PC: variants seen among roughly 807,000 people sequenced by gnomAD.
The protein encoded by PC is pyruvate carboxylase, also known as pyruvate carboxylase, mitochondrial.
PC carries 46 observed loss-of-function variants against 107.8 expected under a neutral mutation model. The observed-to-expected ratio is 0.43, with a 90% CI of 0.34 to 0.55. The LOEUF is 0.55. Ranked by LOEUF, PC falls within the 20% of genes least tolerant of loss-of-function variation. The pLI, the probability that PC is intolerant of heterozygous loss-of-function variation, is 0.04. For synonymous variants in PC, 662 were observed against 684.7 expected (o/e 0.97, Z 0.52); for missense variants, 1,241 against 1,643.1 (o/e 0.76, Z 4.23).
chr11:66,859,672 A>T, intron 12 of PC: 1 of 1,612,966 alleles, frequency 6.2e-7, no homozygotes, highest in Non-Finnish European at 8.5e-7. Flanking sequence ...TTCCTGCTGA[A>T]GCACCTCGTC....
rs1258492598 is a variant in PC, at chr11:66,858,391, G to A, written c.1369-5008C>T. Reference sequence around the variant, plus strand: ...CTGGCTCCGGACCCGCTTTTCTCTCGTGGGCGTGATGCAGAGGCCTCTCCC... The same window carrying A: ...CTGGCTCCGGACCCGCTTTTCTCTCATGGGCGTGATGCAGAGGCCTCTCCC... On this transcript the variant is annotated intron_variant, in intron 12 of 22. Coordinates refer to ENST00000393960, the MANE Select transcript of PC (RefSeq NM_001040716.2). This position sits in a 1 kb window ranked among gnomAD's most constrained non-coding sequence, Gnocchi z 5.9. 1.3e-6 allele frequency: 2 copies of A among 1,566,716 alleles called. No individual in the cohort carries two copies. Among genetic ancestry groups the A allele is most frequent in the Non-Finnish European group, 1.7e-6 (2 of 1,161,498 alleles).
At chr11:66,949,565 G>A (rs147018651) in intron 3 of PC, among the ~76,000 whole-genome samples, 5,797 of 151,918 alleles carry the variant, frequency 0.038, 355 homozygotes, top group African/African-American at 0.13. Flanking sequence ...GGTGGCGGGC[G>A]CCTGTAATCC....
intron 3 of PC, among the ~76,000 whole-genome samples, chr11:66,875,195 C>G (rs907782122): frequency 6.9e-6 from 1 of 144,510 alleles, no homozygotes. Context: ...TGGGGCAATT[C>G]AGAGGCTGAG....
intron 3 of PC, among the ~76,000 whole-genome samples, chr11:66,948,012 A>AAGTTAGAT: frequency 7.4e-6 from 1 of 134,692 alleles, no homozygotes; most frequent in South Asian, 2.6e-4. Context: ...ATCTCTACTA[A>AAGTTAGAT]AGATAGATAG....
intron 3 of PC, among the ~76,000 whole-genome samples, chr11:66,925,297 G>GTC (rs1948690370): frequency 6.6e-6 from 1 of 152,174 alleles, no homozygotes; most frequent in Non-Finnish European, 1.5e-5. Context: ...GAGCTCTACG[G>GTC]GAGACTGGGG....
At chr11:66,957,502 C>T (rs1949593266) in intron 1 of PC, among the ~76,000 whole-genome samples, 2 of 152,300 alleles carry the variant, frequency 1.3e-5, no homozygotes, top group African/African-American at 2.4e-5. Flanking sequence ...CCTGTAGTCC[C>T]AGCACTGGGG....
chr11:66,912,923 C>T (rs1044815011), intron 3 of PC, among the ~76,000 whole-genome samples: 3 of 152,112 alleles, frequency 2.0e-5, no homozygotes, highest in African/African-American at 7.2e-5. Flanking sequence ...TTCCTCCTGC[C>T]ACAGCTGAGG....
intron 3 of PC, among the ~76,000 whole-genome samples, chr11:66,920,496 GA>G (rs1350901948): frequency 1.3e-5 from 2 of 152,286 alleles, no homozygotes; most frequent in South Asian, 2.1e-4. Flanking sequence ...TAACACTGGA[GA>G]AAGTGGCAGC....
At chr11:66,948,895 G>A (rs1327930847) in intron 3 of PC, among the ~76,000 whole-genome samples, 1 of 151,874 alleles carries the variant, frequency 6.6e-6, no homozygotes, top group Non-Finnish European at 1.5e-5. Context: ...TTTAAGAAAA[G>A]TGTAATATTC....
chr11:66,889,008 A>G (rs1387575045), intron 3 of PC, among the ~76,000 whole-genome samples: 1 of 152,162 alleles, frequency 6.6e-6, no homozygotes, highest in Non-Finnish European at 1.5e-5. Flanking sequence ...CAGGAGGCGG[A>G]GGTTGCTGTG....
intron 3 of PC, among the ~76,000 whole-genome samples, chr11:66,943,734 C>CTA (rs989367163): frequency 9.9e-5 from 10 of 101,244 alleles, no homozygotes; most frequent in Admixed American, 1.6e-4. Flanking sequence ...CCAGCCTGGG[C>CTA]TATAGAGCAA....
At chr11:66,861,552 G>C (rs181796571) in intron 12 of PC, among the ~76,000 whole-genome samples, 2 of 152,120 alleles carry the variant, frequency 1.3e-5, no homozygotes, top group Non-Finnish European at 2.9e-5. Flanking sequence ...GGTGGGCTTC[G>C]AGAGCCTGGT....
rs149140064 is a variant in PC at position 66,857,889 on chromosome 11, C to T, written c.1369-4506G>A. ...GTTTGTGCCGCCCAACGTGGACCGG[C>T]GCACAGTGGAGCTGCGGCTGGCTGA... is the stretch of plus-strand genomic sequence containing the variant. On this transcript the variant is annotated intron_variant, in intron 12 of 22. Transcript: ENST00000393960. This position sits in a 1 kb window ranked among gnomAD's most constrained non-coding sequence, Gnocchi z 7.1. 2.5e-6 allele frequency: 4 copies of T among 1,611,628 alleles called. No individual in the cohort carries two copies. The highest frequency in any genetic ancestry group is 2.2e-5 in the South Asian group (2 of 91,074).
chr11:66,901,972 A>G (rs1947971556), intron 3 of PC, among the ~76,000 whole-genome samples: 1 of 152,184 alleles, frequency 6.6e-6, no homozygotes, highest in Admixed American at 6.6e-5. Flanking sequence ...ACACCCCGAC[A>G]TCCCGTGGAG....
intron 3 of PC, among the ~76,000 whole-genome samples, chr11:66,897,234 T>C (rs1292481011): frequency 1.3e-5 from 2 of 151,934 alleles, no homozygotes; most frequent in Non-Finnish European, 2.9e-5. Flanking sequence ...GCGCCCAGCC[T>C]TGACCCTTTT....
intron 16 of PC, among the ~76,000 whole-genome samples, chr11:66,851,489 G>A (rs1945489268): frequency 6.6e-6 from 1 of 152,192 alleles, no homozygotes; most frequent in African/African-American, 2.4e-5. Context: ...GCAGGCTGTG[G>A]AAGAGGGTAC....
Position 66,863,903 on chromosome 11 carries a change from G to C in PC, c.1239C>G (p.Phe413Leu). The stretch of plus-strand genomic sequence containing the variant: ...AGTGGGGCGAGATGACGGCTCCTTG[G>C]AAGGCGGAAGCATTATCCAGGCGGA... ...MGIRLDNASA[F>L]QGAVISPHYD... The change falls in exon 12 of 23, where the codon TTC becomes TTG. Residue 413 changes from phenylalanine (F) to leucine (L), a missense_variant. Around this residue, in one of 2 missense-constraint regions of PC, gnomAD observed 1,143 missense variants for 1,551.9 expected, o/e 0.74. Transcript: ENST00000393960. The C allele has an allele frequency of 2.5e-6, 4 of 1,614,100 alleles. No individual in the cohort carries two copies. The highest frequency in any genetic ancestry group is 3.4e-6 in the Non-Finnish European group (4 of 1,180,038).
At chr11:66,922,450 T>C (rs985060822) in intron 3 of PC, among the ~76,000 whole-genome samples, 36 of 150,316 alleles carry the variant, frequency 2.4e-4, no homozygotes, top group African/African-American at 8.6e-4. Flanking sequence ...GGTGCGCGCC[T>C]GTAATCCCAG....
chr11:66,952,885 C>A (rs1488865795), intron 2 of PC, among the ~76,000 whole-genome samples: 2 of 152,208 alleles, frequency 1.3e-5, no homozygotes, highest in Non-Finnish European at 2.9e-5. Context: ...CAGGAGGGTA[C>A]AGAGCTGGAA....
Sources: allele counts gnomAD v4.1 joint callset (sites outside exome capture counted in the v4.1 genomes callset), GRCh38; gene constraint gnomAD v4.1.1; regional missense constraint gnomAD v4.1.1; non-coding constraint Gnocchi (gnomAD v3.1); transcripts MANE v1.5; gene names NCBI Gene and HGNC (gene_info 2026-07-23, HGNC 2026-07-21).